The following SEMA6D variants were observed in gnomAD, a reference collection of about 807,000 sequenced individuals.
SEMA6D encodes semaphorin-6D.
SEMA6D carries 35 observed loss-of-function variants against 106.6 expected under a neutral mutation model. The observed-to-expected ratio is 0.33, with a 90% CI of 0.25 to 0.44. The LOEUF is 0.44. SEMA6D is among the 20% of genes least tolerant of loss of function. The pLI is 1.00. For synonymous variants in SEMA6D, 499 were observed against 487.7 expected, an observed-to-expected ratio of 1.02 and a Z score of -0.31; for missense variants, 1,185 against 1,345.9, an observed-to-expected ratio of 0.88 and a Z score of 1.87.
intron 3 of SEMA6D, among the ~76,000 whole-genome samples, chr15:47,588,501 A>T (rs1268637630): frequency 1.3e-5 from 2 of 152,180 alleles, no homozygotes; most frequent in African/African-American, 2.4e-5. Context: ...TCCGTAAAAA[A>T]AGAGTCATTA....
At chr15:47,392,429 A>G (rs1339469999) in intron 1 of SEMA6D, among the ~76,000 whole-genome samples, 1 of 152,186 alleles carries the variant, frequency 6.6e-6, no homozygotes, top group Admixed American at 6.6e-5. Context: ...ATGTGTTTTT[A>G]TAAATCAAAG....
chr15:47,681,948 A>T (rs2078362618), intron 4 of SEMA6D, among the ~76,000 whole-genome samples: 1 of 152,224 alleles, frequency 6.6e-6, no homozygotes, highest in Admixed American at 6.5e-5. Flanking sequence ...CTCTTTAAAA[A>T]AAAGCTTTTA....
At chr15:47,731,122 A>C (rs1157153806) in intron 1 of SEMA6D, among the ~76,000 whole-genome samples, 1 of 152,124 alleles carries the variant, frequency 6.6e-6, no homozygotes, top group Non-Finnish European at 1.5e-5. Context: ...ATTTTGCAAC[A>C]CTTTGCCCTT....
rs115431774 is a variant in SEMA6D, at chr15:47,695,063, A to G, written c.-54-64682A>G. Among the ~76,000 whole-genome samples the G allele has an allele frequency of 2.1e-3, 321 of 152,300 alleles. 1 individual carries two copies. The highest frequency in any genetic ancestry group is 7.5e-3 in the African/African-American group (311 of 41,574). ...GCCTGGCATATGCCCCCAGGGCTTA[A>G]GACCTAAGTTACATAGACAGGCAGA... On this transcript the variant is annotated intron_variant, in intron 4 of 19. Coordinates refer to the SEMA6D transcript ENST00000558014.
rs761571234 is a variant in SEMA6D, at chr15:47,771,040, G to A, written c.2477G>A (p.Ser826Asn). 5.6e-6 allele frequency: 9 copies of A among 1,614,132 alleles called. No individual in the cohort carries two copies. In the East Asian group the frequency reaches 2.0e-4, roughly 36 times the overall value. ...HSPLSHGHIP[S>N]AIVLPNATHD... is the part of the protein sequence containing the mutation. ...CCATTAAGTCATGGGCATATCCCCA[G>A]TGCCATTGTTCTTCCAAATGCTACC... Residue 826 changes from serine to asparagine, a missense_variant, in exon 19 of 19, where the codon AGT becomes AAT. Physicochemically the swap from Ser to Asn is conservative, Grantham distance 46. Coordinates refer to ENST00000536845, the MANE Select transcript of SEMA6D (RefSeq NM_001358351.3).
intron 3 of SEMA6D, among the ~76,000 whole-genome samples, chr15:47,537,253 A>T (rs1596269413): frequency 6.6e-6 from 1 of 152,208 alleles, no homozygotes; most frequent in African/African-American, 2.4e-5. Context: ...GCTAGGAGGG[A>T]TGGGTTTGAA....
rs186858252 is a variant in SEMA6D, at chr15:47,764,032, C to T, written c.930C>T (p.Pro310=). The T allele has an allele frequency of 3.1e-6, 5 of 1,613,926 alleles. No individual in the cohort carries two copies. The highest frequency in any genetic ancestry group is 2.2e-5 in the East Asian group (1 of 44,850). Residue 310 remains proline, a synonymous_variant, in exon 10 of 19, where the codon CCC becomes CCT. Transcript: ENST00000536845. ...ACATAATACAAATCAATGGCATCCC[C>T]ACTGTGGTCGGGGTGTTTACCACGC... ...ITDIIQINGI[P]TVVGVFTTQL...
chr15:47,238,437 T>A (rs2032694017), intron 1 of SEMA6D, among the ~76,000 whole-genome samples: 1 of 152,064 alleles, frequency 6.6e-6, no homozygotes, highest in South Asian at 2.1e-4. Context: ...ATTCTAATTT[T>A]CTCACATATA....
intron 3 of SEMA6D, among the ~76,000 whole-genome samples, chr15:47,573,676 C>CT (rs1596343546): frequency 6.6e-6 from 1 of 152,200 alleles, no homozygotes; most frequent in East Asian, 1.9e-4. Context: ...TAAATTGCCA[C>CT]TATTAAAACA....
At chr15:47,252,250 A>C (rs2033564619) in intron 1 of SEMA6D, among the ~76,000 whole-genome samples, 1 of 152,118 alleles carries the variant, frequency 6.6e-6, no homozygotes, top group South Asian at 2.1e-4. Flanking sequence ...TCTTCATTTT[A>C]ATTTTAATTT....
intron 1 of SEMA6D, among the ~76,000 whole-genome samples, chr15:47,337,181 G>T (rs2037602294): frequency 6.6e-6 from 1 of 152,142 alleles, no homozygotes; most frequent in Non-Finnish European, 1.5e-5. Context: ...ATCCCCATGT[G>T]CTCTCTTAAG....
chr15:47,367,720 ACAC>A (rs1567031267), intron 1 of SEMA6D, among the ~76,000 whole-genome samples: 1 of 117,346 alleles, frequency 8.5e-6, no homozygotes, highest in Non-Finnish European at 1.6e-5. Flanking sequence ...ACACACACAC[ACAC>A]ACACAGAGAG....
chr15:47,305,633 A>G (rs189699360), intron 1 of SEMA6D, among the ~76,000 whole-genome samples: 1 of 152,336 alleles, frequency 6.6e-6, no homozygotes, highest in African/African-American at 2.4e-5. Flanking sequence ...AATTAGTTTA[A>G]GGTAGTATTT....
At position 47,764,721 on chromosome 15, in the gene SEMA6D, A is replaced by G. The variant is rs1376075465; in HGVS notation, c.1181A>G (p.Lys394Arg). The change falls in exon 12 of 19, where the codon AAA (lysine) becomes AGA (arginine). Residue 394 changes from lysine to arginine, a missense_variant. Transcript: ENST00000536845. ...CCGGATGAAACTCTGTCATTCATCA[A>G]ATCTCATCCCCTGATGGACTCTGCC... Reference protein sequence around the residue: ...DFPDETLSFIKSHPLMDSAVP... With the variant: ...DFPDETLSFIRSHPLMDSAVP... The G allele has an allele frequency of 6.2e-7, 1 of 1,614,094 alleles. No individual in the cohort carries two copies. Among genetic ancestry groups the G allele is most frequent in the Non-Finnish European group, 8.5e-7 (1 of 1,179,928 alleles).
At chr15:47,765,134 T>C (rs1298341265) in intron 13 of SEMA6D, 78 bp downstream of exon 13, 5 of 1,549,106 alleles carry the variant, frequency 3.2e-6, no homozygotes, top group Admixed American at 1.9e-5. Context: ...CATGTCCTTT[T>C]GGTCCTCTAA....
At chr15:47,617,808 A>G (rs2077034195) in intron 4 of SEMA6D, among the ~76,000 whole-genome samples, 1 of 152,204 alleles carries the variant, frequency 6.6e-6, no homozygotes, top group African/African-American at 2.4e-5. Flanking sequence ...CTATATAAAC[A>G]CTTAGAACAT....
intron 1 of SEMA6D, among the ~76,000 whole-genome samples, chr15:47,306,852 G>T (rs1223418451): frequency 6.6e-6 from 1 of 152,170 alleles, no homozygotes; most frequent in Admixed American, 6.5e-5. Context: ...ATTTTTAGAA[G>T]ATATGCAACT....
chr15:47,201,296 C>T (rs1894712457), intron 1 of SEMA6D, among the ~76,000 whole-genome samples: 1 of 152,106 alleles, frequency 6.6e-6, no homozygotes, highest in Admixed American at 6.6e-5. Flanking sequence ...GACATCTCTA[C>T]CATATGTCTT....
intron 3 of SEMA6D, among the ~76,000 whole-genome samples, chr15:47,478,437 A>T (rs1351461761): frequency 6.6e-6 from 1 of 152,236 alleles, no homozygotes; most frequent in Non-Finnish European, 1.5e-5. Context: ...GCAATAACAG[A>T]GTTTAAAGTT....
Sources: gnomAD v4.1 joint callset for allele counts (sites outside exome capture counted in the v4.1 genomes callset) on GRCh38, gnomAD v4.1.1 for gene constraint, MANE v1.5 for transcripts, NCBI Gene and HGNC (gene_info 2026-07-23, HGNC 2026-07-21) for gene names.